KCNN3: variants seen among roughly 807,000 people sequenced by gnomAD.
KCNN3 encodes potassium calcium-activated channel subfamily N member 3.
Under a neutral mutation model 62.9 loss-of-function variants are expected in KCNN3, and 16 were observed. The observed-to-expected ratio is 0.25, with a 90% confidence interval of 0.17 to 0.39. The LOEUF is 0.39. KCNN3 is among the 10% of genes least tolerant of loss of function. The probability of loss-of-function intolerance (pLI) is 1.00; values close to 1 mark genes in which losing one functional copy is unlikely to be tolerated. For missense variants in KCNN3, 599 were observed against 949.4 expected (o/e 0.63, Z 4.85); for synonymous variants, 370 against 389.2 (o/e 0.95, Z 0.58).
chr1:154,797,028 C>T (rs1471329708), intron 2 of KCNN3, among the ~76,000 whole-genome samples: 2 of 152,176 alleles, frequency 1.3e-5, no homozygotes, highest in African/African-American at 2.4e-5. Flanking sequence ...CAACTAGTGG[C>T]CTACAAAAAG....
At chr1:154,711,400 G>A (rs1324380688) in intron 7 of KCNN3, among the ~76,000 whole-genome samples, 2 of 148,902 alleles carry the variant, frequency 1.3e-5, no homozygotes, top group Non-Finnish European at 3.0e-5. Flanking sequence ...GTTAAATGAC[G>A]AGTTAATGGG....
chr1:154,829,070 G>T (rs1557997020), intron 1 of KCNN3, among the ~76,000 whole-genome samples: 1 of 152,236 alleles, frequency 6.6e-6, no homozygotes, highest in Non-Finnish European at 1.5e-5. Context: ...GCTCCCAGGA[G>T]CTCATCCCAA....
chr1:154,836,357 T>C (rs1387746919), intron 1 of KCNN3, among the ~76,000 whole-genome samples: 1 of 152,192 alleles, frequency 6.6e-6, no homozygotes, highest in Non-Finnish European at 1.5e-5. Context: ...CTGCCCCCCG[T>C]CTATTTTGCC....
At chr1:154,803,309 G>A (rs1650036052) in intron 2 of KCNN3, among the ~76,000 whole-genome samples, 1 of 152,178 alleles carries the variant, frequency 6.6e-6, no homozygotes, top group African/African-American at 2.4e-5. Flanking sequence ...TAAACATTTT[G>A]CCACAAGCAA....
intron 2 of KCNN3, among the ~76,000 whole-genome samples, chr1:154,801,080 G>A (rs1378119611): frequency 6.6e-6 from 1 of 152,026 alleles, no homozygotes; most frequent in Non-Finnish European, 1.5e-5. Flanking sequence ...CTGGCCAGTG[G>A]ACTCCAGCCT....
At chr1:154,733,691 G>T (rs1429576657) in intron 3 of KCNN3, among the ~76,000 whole-genome samples, 1 of 152,146 alleles carries the variant, frequency 6.6e-6, no homozygotes, top group Non-Finnish European at 1.5e-5. Context: ...GGGGGCTCTG[G>T]GGTGTCCACA....
At position 154,846,458 on chromosome 1, in the gene KCNN3, C is replaced by T. The variant is rs553680388; in HGVS notation, c.933+22574G>A. ...CTGAGGGGGAGCCAGGAGCGTCTGC[C>T]CCCCGGGAGGAGGAGTGTTTTATCA... is the stretch of plus-strand genomic sequence containing the variant. On this transcript the variant is annotated intron_variant, in intron 1 of 7. Coordinates refer to ENST00000271915, the MANE Select transcript of KCNN3 (RefSeq NM_002249.6). 2.0e-5 allele frequency among the ~76,000 whole-genome samples: 3 copies of T among 152,312 alleles called. No individual in the cohort carries two copies. In the East Asian group the frequency reaches 5.8e-4, roughly 29 times the overall value.
intron 3 of KCNN3, among the ~76,000 whole-genome samples, chr1:154,766,107 C>G (rs1268523343): frequency 6.6e-6 from 1 of 151,954 alleles, no homozygotes; most frequent in Non-Finnish European, 1.5e-5. Flanking sequence ...AGCCATCTAT[C>G]TCTCCGCCTG....
In KCNN3 at chr1:154,737,206, T is replaced by TGG. The variant is rs35539682; in HGVS notation, c.1449-4064_1449-4063dup. On this transcript the variant is annotated intron_variant, in intron 3 of 7. Coordinates refer to ENST00000271915, the MANE Select transcript of KCNN3 (RefSeq NM_002249.6). ...GTGCTATTTTTTGCAATAGAAAATT[T>TGG]GGGGGGGGGGGATAGCTCCATGTTT... The TGG allele has an allele frequency of 4.0e-4, 71 of 177,884 alleles. 1 individual carries two copies. The highest frequency in any genetic ancestry group is 2.1e-3 in the East Asian group (13 of 6,142). The allele number at this position is 177,884 out of a possible 1,614,324, so 11.0% of individuals were successfully genotyped here.
At chr1:154,855,533 T>C (rs1447092339) in intron 1 of KCNN3, among the ~76,000 whole-genome samples, 1 of 152,200 alleles carries the variant, frequency 6.6e-6, no homozygotes, top group Non-Finnish European at 1.5e-5. Flanking sequence ...CATTGTGTTA[T>C]GATTGCCTAC....
At chr1:154,799,760 C>T (rs572313501) in intron 2 of KCNN3, among the ~76,000 whole-genome samples, 1 of 152,338 alleles carries the variant, frequency 6.6e-6, no homozygotes, top group Admixed American at 6.5e-5. Flanking sequence ...TGGTCTGGAG[C>T]TTCTTGGTCA....
chr1:154,756,981 A>T (rs1427802440), intron 3 of KCNN3, among the ~76,000 whole-genome samples: 1 of 152,196 alleles, frequency 6.6e-6, no homozygotes, highest in African/African-American at 2.4e-5. Flanking sequence ...GCTCAGAGAG[A>T]GGCGTGGCTC....
Position 154,839,742 on chromosome 1 carries a change from C to A in KCNN3, c.934-17558G>T, listed in dbSNP as rs1651749053. Among the ~76,000 whole-genome samples the A allele has an allele frequency of 2.4e-5, 3 of 126,294 alleles. No individual in the cohort carries two copies. The South Asian group carries it at 8.6e-4, about 36-fold the overall frequency. 82.9% of individuals were successfully genotyped at this position (126,294 alleles called of 152,430 possible). A position where few individuals can be genotyped will look rare whatever the true frequency, so the allele number is the denominator to read the frequency against. Reference sequence around the variant, plus strand: ...TTTCTAAAGCAGTCCTCAGCCACCCCCAAGAGCCCTTCTGGGGGCCCTGGC... The same window carrying A: ...TTTCTAAAGCAGTCCTCAGCCACCCACAAGAGCCCTTCTGGGGGCCCTGGC... On this transcript the variant is annotated intron_variant, in intron 1 of 7. Transcript: ENST00000271915.
At chr1:154,864,532 G>A (rs1652883522) in intron 1 of KCNN3, among the ~76,000 whole-genome samples, 1 of 152,276 alleles carries the variant, frequency 6.6e-6, no homozygotes, top group African/African-American at 2.4e-5. Context: ...AGACAGACAA[G>A]TTGGCCTTGG....
chr1:154,797,025 T>C (rs1042223267), intron 2 of KCNN3, among the ~76,000 whole-genome samples: 3 of 152,198 alleles, frequency 2.0e-5, no homozygotes, highest in Non-Finnish European at 4.4e-5. Flanking sequence ...CGACAACTAG[T>C]GGCCTACAAA....
At chr1:154,734,716 C>T (rs957492973) in intron 3 of KCNN3, among the ~76,000 whole-genome samples, 7 of 152,232 alleles carry the variant, frequency 4.6e-5, no homozygotes, top group East Asian at 1.9e-4. Context: ...CATGGTATGA[C>T]GGATACTGTG....
intron 2 of KCNN3, among the ~76,000 whole-genome samples, chr1:154,813,829 C>T (rs370566531): frequency 5.9e-5 from 9 of 152,216 alleles, no homozygotes; most frequent in Admixed American, 2.0e-4. Flanking sequence ...CCCACCCCAT[C>T]GGAGACGCCA....
chr1:154,782,222 A>G (rs1649081693), intron 2 of KCNN3, among the ~76,000 whole-genome samples: 1 of 152,088 alleles, frequency 6.6e-6, no homozygotes, highest in African/African-American at 2.4e-5. Flanking sequence ...CCACAGACCC[A>G]CTCCCACCAG....
chr1:154,731,347 G>A (rs1700587709), intron 4 of KCNN3, among the ~76,000 whole-genome samples: 1 of 152,256 alleles, frequency 6.6e-6, no homozygotes, highest in Admixed American at 6.5e-5. Context: ...CAACCCCAGC[G>A]CTAAGCTTTT....
Sources: gnomAD v4.1 joint callset for allele counts (sites outside exome capture counted in the v4.1 genomes callset) on GRCh38, gnomAD v4.1.1 for gene constraint, MANE v1.5 for transcripts, NCBI Gene and HGNC (gene_info 2026-07-23, HGNC 2026-07-21) for gene names.